PDGFRA: variants seen among roughly 807,000 people sequenced by gnomAD.
PDGFRA encodes platelet-derived growth factor receptor alpha.
PDGFRA carries 25 observed loss-of-function variants against 121.5 expected under a neutral mutation model. The ratio of observed to expected loss-of-function variants is 0.21; its 90% CI spans 0.15 to 0.29. PDGFRA has a LOEUF of 0.29. PDGFRA is among the 10% of genes least tolerant of loss of function. PDGFRA has a pLI of 1.00. For synonymous variants in PDGFRA, 463 were observed against 494.8 expected, an observed-to-expected ratio of 0.94 and a Z score of 0.85; for missense variants, 1,008 against 1,345.1, an observed-to-expected ratio of 0.75 and a Z score of 3.92.
At chr4:54,239,721 C>T (rs1721194276) in intron 1 of PDGFRA, among the ~76,000 whole-genome samples, 1 of 152,226 alleles carries the variant, frequency 6.6e-6, no homozygotes, top group African/African-American at 2.4e-5. Context: ...TGATAGCAGC[C>T]TCCTGTTGTC....
chr4:54,281,053 G>T (rs907930637), intron 16 of PDGFRA, among the ~76,000 whole-genome samples: 26 of 152,154 alleles, frequency 1.7e-4, no homozygotes, highest in Admixed American at 8.5e-4. Context: ...TGTTTCTGTT[G>T]AATGTATTTT....
In PDGFRA at chr4:54,290,586, T is replaced by C. The variant is rs1271264973; in HGVS notation, c.3122+32T>C. On this transcript the variant is annotated intron_variant, in intron 22 of 22. Coordinates refer to ENST00000257290, the MANE Select transcript of PDGFRA (RefSeq NM_006206.6). ...GTGGGGGCAGCCTCGGTGTCTCACC[T>C]TTCCCCTCCCCTATAGGCCCTGAAG... The C allele has an allele frequency of 1.9e-6, 3 of 1,613,286 alleles. No homozygotes were observed. In the Admixed American group the frequency reaches 5.0e-5, roughly 27 times the overall value.
intron 16 of PDGFRA, among the ~76,000 whole-genome samples, chr4:54,281,103 G>A (rs187575502): frequency 1.3e-5 from 2 of 152,294 alleles, no homozygotes; most frequent in African/African-American, 4.8e-5. Flanking sequence ...ATGAATATGT[G>A]GCAGGGTTAA....
intron 8 of PDGFRA, among the ~76,000 whole-genome samples, chr4:54,271,183 T>A (rs1358522355): frequency 6.6e-6 from 1 of 152,178 alleles, no homozygotes. Flanking sequence ...AGAGTTTTGC[T>A]ACAAGTTTTC....
At chr4:54,265,098 CAGA>C (rs766675984) in intron 5 of PDGFRA, 49 bp downstream of exon 5, 9 of 1,597,248 alleles carry the variant, frequency 5.6e-6, no homozygotes, top group Admixed American at 1.7e-5. Context: ...CAACAGGGCT[CAGA>C]AGACCTGCAT....
At position 54,298,002 on chromosome 4, in the gene PDGFRA, A is replaced by G. The variant is rs976918625; in HGVS notation, c.*2730A>G. ...CTTCGTTTATATTTTTTTAACTGTG[A>G]TAATCCCCACAGGCACATTAACTGT... On this transcript the variant is annotated 3_prime_UTR_variant, in exon 23 of 23. Transcript: ENST00000257290. 25 of 231,142 alleles carry G rather than the reference A, an allele frequency of 1.1e-4. No individual in the cohort carries two copies. Among genetic ancestry groups the G allele is most frequent in the Non-Finnish European group, 1.9e-4 (22 of 116,598 alleles). 14.3% of individuals were successfully genotyped at this position (231,142 alleles called of 1,614,324 possible). A position where few individuals can be genotyped will look rare whatever the true frequency, so the allele number is the denominator to read the frequency against.
At chr4:54,281,212 C>G (rs552062376) in intron 16 of PDGFRA, among the ~76,000 whole-genome samples, 1 of 152,260 alleles carries the variant, frequency 6.6e-6, no homozygotes, top group South Asian at 2.1e-4. Context: ...GAACTGGTCA[C>G]AGACATGAAG....
chr4:54,280,442 C>G lies in PDGFRA; in HGVS notation c.2283C>G (p.Leu761=), dbSNP rs2110324692. ...AATATTCCGACATCCAGAGATCACT[C>G]TATGATCGTCCAGCCTCATATAAGA... is the stretch of plus-strand genomic sequence containing the variant. ...VSKYSDIQRS[L]YDRPASYKKK... Residue 761 remains leucine (L), a synonymous_variant, in exon 16 of 23, where the codon CTC becomes CTG. Transcript: ENST00000257290. 1 of 1,613,812 alleles carries G rather than the reference C, an allele frequency of 6.2e-7. No individual in the cohort carries two copies.
chr4:54,237,737 G>C (rs1235092259), intron 1 of PDGFRA, among the ~76,000 whole-genome samples: 1 of 152,214 alleles, frequency 6.6e-6, no homozygotes, highest in Non-Finnish European at 1.5e-5. Context: ...TTGCATTTGG[G>C]TTCACAGCAC....
At chr4:54,287,348 A>G in intron 18 of PDGFRA, 82 bp from the exon 19 acceptor site, 1 of 778,250 alleles carries the variant, frequency 1.3e-6, no homozygotes, top group Non-Finnish European at 2.4e-6. Context: ...TTAAGAGCCC[A>G]AGGGGAACCC....
chr4:54,294,983 T>G, intron 22 of PDGFRA, 142 bp from the exon 23 acceptor site: 2 of 813,646 alleles, frequency 2.5e-6, no homozygotes, highest in Non-Finnish European at 4.2e-6. Context: ...TACCACAGCA[T>G]GTCAGGCCTG....
At chr4:54,287,676 A>G (rs1337030714) in intron 19 of PDGFRA, 135 bp downstream of exon 19, 5 of 711,100 alleles carry the variant, frequency 7.0e-6, no homozygotes. Context: ...AGCCACCTCA[A>G]ACCACATGTT....
intron 5 of PDGFRA, among the ~76,000 whole-genome samples, chr4:54,265,572 A>T (rs956399517): frequency 6.6e-6 from 1 of 152,034 alleles, no homozygotes; most frequent in East Asian, 1.9e-4. Flanking sequence ...AACCGTTATG[A>T]TGTAATCATT....
At chr4:54,252,490 C>T (rs888003534) in intron 1 of PDGFRA, among the ~76,000 whole-genome samples, 2 of 152,162 alleles carry the variant, frequency 1.3e-5, no homozygotes, top group African/African-American at 4.8e-5. Context: ...TCCTGGTAAA[C>T]ACACCCTCTG....
At chr4:54,234,964 ATTACTG>A (rs1314957818) in intron 1 of PDGFRA, among the ~76,000 whole-genome samples, 2 of 152,142 alleles carry the variant, frequency 1.3e-5, no homozygotes, top group East Asian at 3.8e-4. Context: ...GCCCCCTCCC[ATTACTG>A]GAATGTCTGA....
chr4:54,264,114 A>C, intron 4 of PDGFRA, 187 bp downstream of exon 4: 2 of 611,652 alleles, frequency 3.3e-6, no homozygotes, highest in Non-Finnish European at 5.7e-6. Context: ...CTAAAGGCCA[A>C]AGCTTGATTA....
At chr4:54,278,818 G>C (rs543859175) in intron 15 of PDGFRA, 20 of 528,724 alleles carry the variant, frequency 3.8e-5, no homozygotes, top group African/African-American at 3.4e-4. Context: ...ATAAAATGCA[G>C]CTCTGGCCAG....
At chr4:54,274,220 T>C (rs1723577071) in intron 10 of PDGFRA, among the ~76,000 whole-genome samples, 1 of 152,226 alleles carries the variant, frequency 6.6e-6, no homozygotes, top group Non-Finnish European at 1.5e-5. Flanking sequence ...GCCCATATAG[T>C]AGCTGTCAAT....
At chr4:54,236,859 A>G (rs1454988914) in intron 1 of PDGFRA, among the ~76,000 whole-genome samples, 1 of 152,064 alleles carries the variant, frequency 6.6e-6, no homozygotes, top group African/African-American at 2.4e-5. Flanking sequence ...AACAGGCCTG[A>G]TTTCTACCCA....
Sources: gnomAD v4.1 joint callset for allele counts (sites outside exome capture counted in the v4.1 genomes callset) on GRCh38, gnomAD v4.1.1 for gene constraint, MANE v1.5 for transcripts, NCBI Gene and HGNC (gene_info 2026-07-23, HGNC 2026-07-21) for gene names.